The following YLPM1 variants were observed in gnomAD, a reference collection of about 807,000 sequenced individuals.
YLPM1 encodes YLP motif containing 1, also known as YLP motif-containing protein 1.
Under a neutral mutation model 230.0 loss-of-function variants are expected in YLPM1, and 99 were observed. The observed-to-expected ratio is 0.43, with a 90% CI of 0.37 to 0.51. The LOEUF (loss-of-function observed/expected upper bound fraction) is 0.51, where lower values mean the gene tolerates loss of function less well. YLPM1 is among the 20% of genes least tolerant of loss of function. The pLI is 0.00. For synonymous variants in YLPM1, 984 were observed against 942.5 expected, an observed-to-expected ratio of 1.04 and a Z score of -0.81; for missense variants, 2,592 against 2,707.7, an observed-to-expected ratio of 0.96 and a Z score of 0.95.
chr14:74,835,206 G>C, intron 19 of YLPM1, 59 bp from the exon 20 acceptor site: 1 of 1,594,734 alleles, frequency 6.3e-7, no homozygotes. Flanking sequence ...CAGAGAGGGA[G>C]GGGGCTCTTT....
chr14:74,794,340 T>C (rs759298057), intron 4 of YLPM1, among the ~76,000 whole-genome samples: 5 of 152,162 alleles, frequency 3.3e-5, no homozygotes, highest in Non-Finnish European at 7.3e-5. Flanking sequence ...CACGCCACCA[T>C]GCCCAGCTTA....
At chr14:74,783,771 A>T (rs945268361) in intron 4 of YLPM1, among the ~76,000 whole-genome samples, 1 of 152,388 alleles carries the variant, frequency 6.6e-6, no homozygotes, top group South Asian at 2.1e-4. Context: ...GGCAATTAAC[A>T]TGAATTCCTC....
chr14:74,764,418 GGC>G, intron 1 of YLPM1, 56 bp downstream of exon 1: 1 of 1,497,000 alleles, frequency 6.7e-7, no homozygotes, highest in Non-Finnish European at 8.9e-7. Flanking sequence ...TGAATGAGCA[GGC>G]CTCAGGGCTT....
rs1403646779 is a variant in YLPM1 at position 74,824,211 on chromosome 14, G to A, written c.6112-45G>A. 10 of 1,588,962 alleles carry A rather than the reference G, an allele frequency of 6.3e-6. No individual in the cohort carries two copies. The South Asian group carries it at 9.1e-5, about 14-fold the overall frequency. ...CAGTTCAAACGTGATATGCATGTATGTGTCTCTTTCTAACCCTTCGAGCTT... is the reference window on the plus strand; with the variant it reads ...CAGTTCAAACGTGATATGCATGTATATGTCTCTTTCTAACCCTTCGAGCTT... On this transcript the variant is annotated intron_variant, in intron 17 of 20. Coordinates refer to ENST00000325680, the MANE Select transcript of YLPM1 (RefSeq NM_019589.3).
In YLPM1 at chr14:74,782,149, T is replaced by A. The variant is rs553717414; in HGVS notation, c.2106T>A (p.Ala702=). The change falls in exon 4 of 21, where the codon GCT becomes GCA. Residue 702 remains alanine (A), a synonymous_variant. Coordinates refer to ENST00000325680, the MANE Select transcript of YLPM1 (RefSeq NM_019589.3). ...AGPSEQVNSK[A]PLSKSALPYS... ...CATCAGAACAAGTGAATTCAAAAGC[T>A]CCTTTGAGCAAGTCTGCTCTGCCAT... 3 of 1,613,222 alleles carry A rather than the reference T, an allele frequency of 1.9e-6. No individual in the cohort carries two copies. The highest frequency in any genetic ancestry group is 2.5e-6 in the Non-Finnish European group (3 of 1,179,806).
chr14:74,831,324 G>T (rs1316073931), intron 19 of YLPM1, among the ~76,000 whole-genome samples: 1 of 152,156 alleles, frequency 6.6e-6, no homozygotes, highest in Admixed American at 6.6e-5. Flanking sequence ...TGTCTGTGTA[G>T]CTTCAAAGGA....
chr14:74,786,287 G>A (rs1005424061), intron 4 of YLPM1, among the ~76,000 whole-genome samples: 2 of 150,884 alleles, frequency 1.3e-5, no homozygotes, highest in Admixed American at 6.6e-5. Context: ...GCTTGAACCC[G>A]GGAGGCGGAG....
At chr14:74,788,986 C>T (rs1008478130) in intron 4 of YLPM1, among the ~76,000 whole-genome samples, 14 of 151,946 alleles carry the variant, frequency 9.2e-5, no homozygotes, top group East Asian at 3.9e-4. Context: ...TTATTTTTTC[C>T]GAATAACTAT....
chr14:74,782,188 A>G lies in YLPM1; in HGVS notation c.2145A>G (p.Ser715=). 1.9e-6 allele frequency: 3 copies of G among 1,609,390 alleles called. No individual in the cohort carries two copies. The highest frequency in any genetic ancestry group is 2.5e-6 in the Non-Finnish European group (3 of 1,179,720). ...CTGCTCTGCCATACAGTTCATTCTC[A>G]TCTGATCAAGGACTTGGGGAGTCTT... The part of the protein sequence containing the change: ...SKSALPYSSF[S]SDQGLGESSA... Residue 715 remains serine (S), a synonymous_variant, in exon 4 of 21, where the codon TCA becomes TCG. Coordinates refer to ENST00000325680, the MANE Select transcript of YLPM1 (RefSeq NM_019589.3).
chr14:74,770,566 AGT>A (rs1176974173), intron 1 of YLPM1, among the ~76,000 whole-genome samples: 2 of 151,892 alleles, frequency 1.3e-5, no homozygotes, highest in Non-Finnish European at 2.9e-5. Flanking sequence ...CAGAGGTTGC[AGT>A]GAGCCAAGAT....
chr14:74,811,537 G>A (rs2091434928), intron 9 of YLPM1, 83 bp from the exon 10 acceptor site: 1 of 930,182 alleles, frequency 1.1e-6, no homozygotes, highest in Non-Finnish European at 1.6e-6. Flanking sequence ...AGAGAAAATT[G>A]GGCAGTTAAT....
chr14:74,773,716 T>C (rs2091002639), intron 1 of YLPM1, among the ~76,000 whole-genome samples: 1 of 132,256 alleles, frequency 7.6e-6, no homozygotes, highest in African/African-American at 2.9e-5. Flanking sequence ...TCTTTCTTTT[T>C]TTTTTTTTTT....
chr14:74,809,431 A>T lies in YLPM1; in HGVS notation c.4573A>T (p.Ile1525Phe). 1 of 1,607,478 alleles carries T rather than the reference A, an allele frequency of 6.2e-7. No homozygotes were observed. Among genetic ancestry groups the T allele is most frequent in the Non-Finnish European group, 8.5e-7 (1 of 1,176,584 alleles). Reference protein sequence around the residue: ...PPPMGKPPGSIVRPSAPPARS... With the variant: ...PPPMGKPPGSFVRPSAPPARS... ...TCCTATGGGCAAACCACCAGGTTCA[A>T]TTGTAAGACCCTCTGCTCCACCAGC... The change falls in exon 7 of 21, where the codon ATT becomes TTT. Residue 1525 changes from isoleucine to phenylalanine, a missense_variant. By Grantham distance (21) the Ile-to-Phe change is conservative. Transcript: ENST00000325680.
intron 18 of YLPM1, among the ~76,000 whole-genome samples, chr14:74,824,608 GT>G (rs2091548390): frequency 6.6e-6 from 1 of 151,900 alleles, no homozygotes. Context: ...AGAAATGTTG[GT>G]GCTGATGAGA....
intron 11 of YLPM1, 48 bp from the exon 12 acceptor site, chr14:74,816,155 A>C: frequency 6.5e-7 from 1 of 1,544,360 alleles, no homozygotes. Flanking sequence ...CATTGCAGAA[A>C]ATTTTCTCTC....
At chr14:74,789,814 G>A (rs2091188908) in intron 4 of YLPM1, among the ~76,000 whole-genome samples, 1 of 151,562 alleles carries the variant, frequency 6.6e-6, no homozygotes, top group South Asian at 2.1e-4. Context: ...TGTAGAGATG[G>A]GATCTGCCTG....
Position 74,799,400 on chromosome 14 carries a change from G to A in YLPM1, c.4103G>A (p.Arg1368Lys), listed in dbSNP as rs1197612643. The change falls in exon 5 of 21, where the codon AGG (arginine) becomes AAG (lysine). Residue 1368 changes from arginine (R) to lysine (K), a missense_variant. This residue lies in a region of YLPM1 where 1,862 missense variants were observed against 1,819.8 expected (regional missense o/e 1.02). Coordinates refer to ENST00000325680, the MANE Select transcript of YLPM1 (RefSeq NM_019589.3). ...EHGYDRDFRD[R>K]GELRIREYPE... is the part of the protein sequence containing the mutation. Reference sequence around the variant, plus strand: ...GGGTATGATCGAGATTTCCGTGATAGGGGTGAGTTGAGGATTCGAGAGTAT... The same window carrying A: ...GGGTATGATCGAGATTTCCGTGATAAGGGTGAGTTGAGGATTCGAGAGTAT... The A allele has an allele frequency of 6.2e-7, 1 of 1,614,026 alleles. No homozygotes were observed.
At chr14:74,794,834 A>G (rs562600068) in intron 4 of YLPM1, among the ~76,000 whole-genome samples, 52 of 152,298 alleles carry the variant, frequency 3.4e-4, no homozygotes, top group African/African-American at 1.2e-3. Context: ...ATTTGTAACT[A>G]TTGTAGTCCA....
intron 2 of YLPM1, 50 bp downstream of exon 2, chr14:74,778,733 C>G: frequency 6.8e-7 from 1 of 1,472,968 alleles, no homozygotes. Flanking sequence ...TAGCTTTTTT[C>G]TGATTCATTT....
Sources: allele counts gnomAD v4.1 joint callset (sites outside exome capture counted in the v4.1 genomes callset), GRCh38; gene constraint gnomAD v4.1.1; regional missense constraint gnomAD v4.1.1; transcripts MANE v1.5; gene names NCBI Gene and HGNC (gene_info 2026-07-23, HGNC 2026-07-21).